The following IL17RA variants were observed in gnomAD, a reference collection of about 807,000 sequenced individuals.
IL17RA encodes interleukin 17 receptor A, also known as interleukin-17 receptor A.
A neutral mutation model predicts 50.4 loss-of-function variants in IL17RA; 34 were observed. That is an observed-to-expected ratio of 0.67 (90% CI 0.51 to 0.90). The LOEUF (loss-of-function observed/expected upper bound fraction) is 0.90, where lower values mean the gene tolerates loss of function less well. Among genes scored for constraint, IL17RA ranks in the 40% least tolerant of loss-of-function variants. The probability of loss-of-function intolerance (pLI) is 0.00; values close to 1 mark genes in which losing one functional copy is unlikely to be tolerated. For synonymous variants in IL17RA, 585 were observed against 510.4 expected (o/e 1.15, Z -1.97); for missense variants, 1,276 against 1,169.8 (o/e 1.09, Z -1.32).
At position 17,105,715 on chromosome 22, in the gene IL17RA, C is replaced by CAG. The variant is rs1555874476; in HGVS notation, c.943+113_943+114insAG. On this transcript the variant is annotated intron_variant, in intron 10 of 12. Coordinates refer to ENST00000319363, the MANE Select transcript of IL17RA (RefSeq NM_014339.7). ...AGACAAGGCTGAACCGAGGCCAGCC[C>CAG]GGGGTGGGGGGTGAGACCATGGTTT... is the stretch of plus-strand genomic sequence containing the variant. The CAG allele has an allele frequency of 1.0e-5, 13 of 1,301,048 alleles. No homozygotes were observed. In the African/African-American group the frequency reaches 1.6e-4, roughly 16 times the overall value. The allele number at this position is 1,301,048 out of a possible 1,614,324, so 80.6% of individuals were successfully genotyped here.
At chr22:17,108,160 G>GT (rs2061421673) in intron 12 of IL17RA, 147 bp from the exon 13 acceptor site, 1 of 771,294 alleles carries the variant, frequency 1.3e-6, no homozygotes, top group African/African-American at 1.8e-5. Flanking sequence ...TAACATCTGG[G>GT]TTTTTCCAAC....
intron 1 of IL17RA, among the ~76,000 whole-genome samples, chr22:17,094,709 A>ATATATATATATATGTG (rs2061362759): frequency 1.2e-5 from 1 of 85,278 alleles, no homozygotes; most frequent in Non-Finnish European, 2.2e-5. Context: ...ATATATATAT[A>ATATATATATATATGTG]TATATATATT....
chr22:17,108,974 C>T lies in IL17RA; in HGVS notation c.1755C>T (p.Phe585=), dbSNP rs371055145. The T allele has an allele frequency of 6.2e-7, 1 of 1,605,130 alleles. No individual in the cohort carries two copies. The highest frequency in any genetic ancestry group is 1.1e-5 in the South Asian group (1 of 90,708). ...GGCAGGTCCGCTGTCCCGACTGGTT[C>T]GAATGTGAGAACCTCTACTCAGCAG... is the stretch of plus-strand genomic sequence containing the variant. ...RDWQVRCPDW[F]ECENLYSADD... Residue 585 remains phenylalanine (F), a synonymous_variant, in exon 13 of 13, where the codon TTC becomes TTT. Coordinates refer to ENST00000319363, the MANE Select transcript of IL17RA (RefSeq NM_014339.7).
intron 1 of IL17RA, among the ~76,000 whole-genome samples, chr22:17,094,677 C>CTATATATATATGTGTATATA (rs1568917424): frequency 4.1e-5 from 2 of 49,346 alleles, no homozygotes; most frequent in African/African-American, 9.9e-5. Flanking sequence ...CTCTCTCTCT[C>CTATATATATATGTGTATATA]TCTCTCTCTC....
At chr22:17,100,536 C>T in intron 5 of IL17RA, 55 bp downstream of exon 5, 4 of 1,602,428 alleles carry the variant, frequency 2.5e-6, no homozygotes, top group East Asian at 2.2e-5. Context: ...GAGAAGGAAG[C>T]ACCAGGTGGC....
At chr22:17,107,533 C>T (rs567915048) in intron 11 of IL17RA, among the ~76,000 whole-genome samples, 194 bp from the exon 12 acceptor site, 328 of 152,390 alleles carry the variant, frequency 2.2e-3, no homozygotes, top group African/African-American at 7.1e-3. Flanking sequence ...CTAGTAACTG[C>T]TCCAGGTCAT....
At chr22:17,096,432 C>A (rs1025804375) in intron 1 of IL17RA, among the ~76,000 whole-genome samples, 1 of 152,152 alleles carries the variant, frequency 6.6e-6, no homozygotes, top group African/African-American at 2.4e-5. Flanking sequence ...CCCTTCACCC[C>A]TTCCGCACCT....
At chr22:17,102,346 C>A (rs761221996) in intron 7 of IL17RA, 44 bp downstream of exon 7, 1 of 1,599,544 alleles carries the variant, frequency 6.3e-7, no homozygotes. Flanking sequence ...CTCAGGACCA[C>A]CCCTCCAAGC....
Position 17,108,734 on chromosome 22 carries a change from C to G in IL17RA, c.1515C>G (p.Ser505Arg), listed in dbSNP as rs1300589062. The change falls in exon 13 of 13, where the codon AGC (serine) becomes AGG (arginine). Residue 505 changes from serine (S) to arginine (R), a missense_variant. Ser to Arg is a moderately radical substitution (Grantham distance 110). Transcript: ENST00000319363. ...GCACCTACGTAGTCTGCTACTTCAG[C>G]GAGGTCAGCTGTGACGGCGACGTCC... ...CFGTYVVCYF[S>R]EVSCDGDVPD... is the part of the protein sequence containing the mutation. 3 of 1,611,780 alleles carry G rather than the reference C, an allele frequency of 1.9e-6. No individual in the cohort carries two copies. The highest frequency in any genetic ancestry group is 1.1e-5 in the South Asian group (1 of 91,010).
chr22:17,105,834 G>A lies in IL17RA; in HGVS notation c.944-19G>A, dbSNP rs374594183. 23 of 1,585,698 alleles carry A rather than the reference G, an allele frequency of 1.5e-5. 1 individual carries two copies. In the African/African-American group the frequency reaches 2.3e-4, roughly 16 times the overall value. On this transcript the variant is annotated intron_variant, in intron 10 of 12. Coordinates refer to ENST00000319363, the MANE Select transcript of IL17RA (RefSeq NM_014339.7). ...GGGCAGGCCCCGCCGCATCACTCACGCTGTTCTGCTCACCGCAGACTACAT... is the reference window on the plus strand; with the variant it reads ...GGGCAGGCCCCGCCGCATCACTCACACTGTTCTGCTCACCGCAGACTACAT...
chr22:17,104,190 G>A (rs1400655953), intron 8 of IL17RA, among the ~76,000 whole-genome samples: 1 of 50,152 alleles, frequency 2.0e-5, no homozygotes, highest in Admixed American at 1.7e-4. Context: ...CACAGGTGGA[G>A]AGAGTGGTGT....
chr22:17,109,020 C>G lies in IL17RA; in HGVS notation c.1801C>G (p.Leu601Val). The change falls in exon 13 of 13, where the codon CTG becomes GTG. Residue 601 changes from leucine (L) to valine (V), a missense_variant. Leu to Val is a conservative substitution (Grantham distance 32, BLOSUM62 1). Transcript: ENST00000319363. ...AGCAGATGACCAGGATGCCCCGTCCCTGGACGAAGAGGTGTTTGAGGAGCC... is the reference window on the plus strand; with the variant it reads ...AGCAGATGACCAGGATGCCCCGTCCGTGGACGAAGAGGTGTTTGAGGAGCC... Reference protein sequence around the residue: ...YSADDQDAPSLDEEVFEEPLL... With the variant: ...YSADDQDAPSVDEEVFEEPLL... 6.3e-7 allele frequency: 1 copy of G among 1,597,696 alleles called. No individual in the cohort carries two copies. The highest frequency in any genetic ancestry group is 8.5e-7 in the Non-Finnish European group (1 of 1,178,658).
chr22:17,087,579 G>A (rs911640184), intron 1 of IL17RA, among the ~76,000 whole-genome samples: 3 of 152,214 alleles, frequency 2.0e-5, no homozygotes, highest in African/African-American at 7.2e-5. Flanking sequence ...AGCTCTGCTT[G>A]GAAGGTAGTG....
At chr22:17,106,821 C>T (rs922199158) in intron 11 of IL17RA, among the ~76,000 whole-genome samples, 2 of 152,162 alleles carry the variant, frequency 1.3e-5, no homozygotes, top group Non-Finnish European at 2.9e-5. Context: ...GGCCAGTGCT[C>T]CACAGGCGGT....
chr22:17,093,564 T>C (rs2061355174), intron 1 of IL17RA: 1 of 152,280 alleles, frequency 6.6e-6, no homozygotes, highest in African/African-American at 2.4e-5. Flanking sequence ...TATTTATTCA[T>C]TCATTTGTTC....
Position 17,102,096 on chromosome 22 carries a change from C to T in IL17RA, c.599-43C>T, listed in dbSNP as rs41332051. ...TTGGATGCATACACATGCACATGTG[C>T]GTGCCCCTCCTCACTCCCAGCCTGC... On this transcript the variant is annotated intron_variant, in intron 6 of 12. Transcript: ENST00000319363. The T allele has an allele frequency of 6.2e-4, 1,007 of 1,613,908 alleles. 7 individuals carry two copies. In the African/African-American group the frequency reaches 0.011, roughly 17 times the overall value.
At chr22:17,105,548 G>A in intron 9 of IL17RA, 43 bp from the exon 10 acceptor site, 1 of 1,601,118 alleles carries the variant, frequency 6.2e-7, no homozygotes, top group Non-Finnish European at 8.6e-7. Flanking sequence ...ACTGGGAAGG[G>A]TTAAGAATGC....
intron 5 of IL17RA, among the ~76,000 whole-genome samples, chr22:17,101,094 C>A (rs2061389638): frequency 6.6e-6 from 1 of 152,194 alleles, no homozygotes; most frequent in African/African-American, 2.4e-5. Context: ...TGCTTTGTCA[C>A]CCAGGCTATA....
Position 17,104,743 on chromosome 22 carries a change from C to T in IL17RA, c.864C>T (p.Ser288=). The change falls in exon 9 of 13, where the codon AGC becomes AGT. Residue 288 remains serine, a synonymous_variant. Transcript: ENST00000319363. ...RHQVQIQPFF[S]SCLNDCLRHS... The stretch of plus-strand genomic sequence containing the variant: ...GCCCGCAGATCCAGCCCTTCTTCAG[C>T]AGCTGCCTCAATGACTGCCTCAGAC... 2 of 1,614,104 alleles carry T rather than the reference C, an allele frequency of 1.2e-6. No homozygotes were observed. Among genetic ancestry groups the T allele is most frequent in the Non-Finnish European group, 1.7e-6 (2 of 1,179,956 alleles).
Sources: allele counts gnomAD v4.1 joint callset (sites outside exome capture counted in the v4.1 genomes callset), GRCh38; gene constraint gnomAD v4.1.1; transcripts MANE v1.5; gene names NCBI Gene and HGNC (gene_info 2026-07-23, HGNC 2026-07-21).